Variants in BICD1 observed in about 807,000 individuals in gnomAD.
The protein encoded by BICD1 is BICD cargo adaptor 1, also known as protein bicaudal D homolog 1.
Under a neutral mutation model 92.5 loss-of-function variants are expected in BICD1, and 35 were observed. That is an observed-to-expected ratio of 0.38 (90% CI 0.29 to 0.50). The LOEUF is 0.50. Ranked by LOEUF, BICD1 falls within the 20% of genes least tolerant of loss-of-function variation. The pLI is 0.93. For missense variants in BICD1, 950 were observed against 1,189.8 expected (o/e 0.80, Z 2.97); for synonymous variants, 429 against 465.1 (o/e 0.92, Z 1.00).
At chr12:32,268,267 A>G (rs1030996078) in intron 2 of BICD1, among the ~76,000 whole-genome samples, 15 of 152,194 alleles carry the variant, frequency 9.9e-5, no homozygotes, top group Non-Finnish European at 2.1e-4. Context: ...TCCTTCGAAG[A>G]GAAGGGATGC....
chr12:32,133,948 A>AT (rs1267565508), intron 1 of BICD1, among the ~76,000 whole-genome samples: 1 of 151,684 alleles, frequency 6.6e-6, no homozygotes, highest in Non-Finnish European at 1.5e-5. Context: ...CGCCTGGCTA[A>AT]TTTTTTGTAT....
chr12:32,213,384 T>C (rs935214692), intron 1 of BICD1, among the ~76,000 whole-genome samples: 2 of 152,106 alleles, frequency 1.3e-5, no homozygotes, highest in East Asian at 3.9e-4. Flanking sequence ...CCCAATGTTT[T>C]TTGTTGTTGT....
chr12:32,165,601 C>T (rs1259516450), intron 1 of BICD1, among the ~76,000 whole-genome samples: 1 of 150,982 alleles, frequency 6.6e-6, no homozygotes, highest in Non-Finnish European at 1.5e-5. Context: ...AAGATAATTG[C>T]TTGAACCAGG....
intron 4 of BICD1, among the ~76,000 whole-genome samples, chr12:32,308,430 G>A (rs543760685): frequency 2.6e-5 from 4 of 152,282 alleles, no homozygotes; most frequent in South Asian, 4.2e-4. Flanking sequence ...TACCTTCCTC[G>A]TTAGAGTGTC....
At chr12:32,359,940 C>T (rs1939257012) in intron 8 of BICD1, among the ~76,000 whole-genome samples, 1 of 152,114 alleles carries the variant, frequency 6.6e-6, no homozygotes, top group African/African-American at 2.4e-5. Flanking sequence ...AATCCCAGCA[C>T]TTTGGGAGGC....
At chr12:32,221,378 A>AAT (rs1283117563) in intron 2 of BICD1, among the ~76,000 whole-genome samples, 1 of 150,380 alleles carries the variant, frequency 6.6e-6, no homozygotes, top group African/African-American at 2.5e-5. Flanking sequence ...TAAATAAATA[A>AAT]AAATAAATAA....
At chr12:32,275,594 C>T (rs995676846) in intron 2 of BICD1, among the ~76,000 whole-genome samples, 1 of 152,118 alleles carries the variant, frequency 6.6e-6, no homozygotes, top group African/African-American at 2.4e-5. Flanking sequence ...CTTGCTACTG[C>T]ACTCTTCTGG....
chr12:32,214,328 ATATCATTGCTTC>A (rs1296104391), intron 1 of BICD1, among the ~76,000 whole-genome samples: 2 of 152,212 alleles, frequency 1.3e-5, no homozygotes, highest in Non-Finnish European at 2.9e-5. Context: ...TGCTACTGGT[ATATCATTGCTTC>A]TAGGCCCTCT....
At chr12:32,193,708 T>G (rs1444459507) in intron 1 of BICD1, among the ~76,000 whole-genome samples, 4 of 151,790 alleles carry the variant, frequency 2.6e-5, no homozygotes, top group Non-Finnish European at 5.9e-5. Flanking sequence ...ATTAAATGAG[T>G]CATCAAAAAC....
intron 8 of BICD1, among the ~76,000 whole-genome samples, chr12:32,358,182 A>G (rs916300929): frequency 4.0e-5 from 6 of 151,648 alleles, no homozygotes; most frequent in Admixed American, 6.6e-5. Flanking sequence ...GCTCACTGCA[A>G]CCTCCACCTC....
chr12:32,150,297 T>C (rs1943252703), intron 1 of BICD1, among the ~76,000 whole-genome samples: 1 of 152,190 alleles, frequency 6.6e-6, no homozygotes, highest in African/African-American at 2.4e-5. Flanking sequence ...CATACAAATT[T>C]TGGGAGGACA....
chr12:32,161,418 T>G (rs1371707387), intron 1 of BICD1, among the ~76,000 whole-genome samples: 1 of 152,240 alleles, frequency 6.6e-6, no homozygotes. Flanking sequence ...AGAGAACAGT[T>G]TTACTTAACC....
intron 2 of BICD1, among the ~76,000 whole-genome samples, chr12:32,239,478 A>G (rs1197560850): frequency 6.7e-6 from 1 of 148,428 alleles, no homozygotes; most frequent in Non-Finnish European, 1.5e-5. Context: ...AGGCAGGAGA[A>G]TCACTTGAAC....
chr12:32,108,648 A>G, intron 1 of BICD1: 2 of 697,586 alleles, frequency 2.9e-6, no homozygotes, highest in East Asian at 5.4e-5. Flanking sequence ...GTTACAGTTA[A>G]AAGATGTGAT....
At chr12:32,243,426 T>C (rs1946291688) in intron 2 of BICD1, among the ~76,000 whole-genome samples, 1 of 151,886 alleles carries the variant, frequency 6.6e-6, no homozygotes, top group Admixed American at 6.6e-5. Flanking sequence ...GGTTATTTCT[T>C]AGGGATAGCA....
chr12:32,203,309 C>T (rs1240171398), intron 1 of BICD1, among the ~76,000 whole-genome samples: 2 of 152,114 alleles, frequency 1.3e-5, no homozygotes, highest in Non-Finnish European at 2.9e-5. Context: ...ATAGTGTTAG[C>T]TATAAGGCAA....
intron 3 of BICD1, among the ~76,000 whole-genome samples, chr12:32,294,741 C>T (rs1234056212): frequency 6.7e-6 from 1 of 150,130 alleles, no homozygotes; most frequent in Admixed American, 6.7e-5. Context: ...GCTTTCAAAT[C>T]GTAGAGGGGA....
At chr12:32,176,525 C>T (rs1204614678) in intron 1 of BICD1, among the ~76,000 whole-genome samples, 2 of 152,170 alleles carry the variant, frequency 1.3e-5, no homozygotes, top group Non-Finnish European at 2.9e-5. Context: ...AATCAAGATA[C>T]GAAACATTTG....
At chr12:32,137,766 T>C (rs1249186143) in intron 1 of BICD1, among the ~76,000 whole-genome samples, 1 of 152,052 alleles carries the variant, frequency 6.6e-6, no homozygotes, top group East Asian at 1.9e-4. Context: ...ATTCCCTTTG[T>C]AAAAAGGCCT....
Sources: gnomAD v4.1 joint callset for allele counts (sites outside exome capture counted in the v4.1 genomes callset) on GRCh38, gnomAD v4.1.1 for gene constraint, MANE v1.5 for transcripts, NCBI Gene and HGNC (gene_info 2026-07-23, HGNC 2026-07-21) for gene names.